KIF25: variants seen among roughly 807,000 people sequenced by gnomAD.
KIF25 encodes kinesin-like protein KIF25.
In KIF25, 19 loss-of-function variants were observed where a neutral mutation model predicts 32.9. The ratio of observed to expected loss-of-function variants is 0.58; its 90% confidence interval spans 0.40 to 0.85. The LOEUF is 0.85. Among genes scored for constraint, KIF25 ranks in the 40% least tolerant of loss-of-function variants. The pLI is 0.00. For synonymous variants in KIF25, 225 were observed against 213.7 expected, an observed-to-expected ratio of 1.05 and a Z score of -0.46; for missense variants, 485 against 507.0, an observed-to-expected ratio of 0.96 and a Z score of 0.42.
At chr6:168,026,261 C>G (rs888264337) in intron 5 of KIF25, among the ~76,000 whole-genome samples, 1 of 152,050 alleles carries the variant, frequency 6.6e-6, no homozygotes, top group Non-Finnish European at 1.5e-5. Flanking sequence ...CAGTTCATGC[C>G]GACACGTGTC....
chr6:168,018,780 C>A (rs565877631), intron 5 of KIF25, among the ~76,000 whole-genome samples: 1 of 152,202 alleles, frequency 6.6e-6, no homozygotes, highest in Non-Finnish European at 1.5e-5. Context: ...TGTCCTCCTG[C>A]TCCTCGGAAG....
intron 2 of KIF25, among the ~76,000 whole-genome samples, chr6:168,001,283 T>G (rs544978180): frequency 6.6e-6 from 1 of 152,242 alleles, no homozygotes; most frequent in South Asian, 2.1e-4. Context: ...TCTTTCAGCG[T>G]CATCTCAGTG....
intron 4 of KIF25, among the ~76,000 whole-genome samples, chr6:168,016,360 C>T (rs73040839): frequency 0.026 from 4,021 of 152,328 alleles, 54 homozygotes; most frequent in African/African-American, 0.031. Flanking sequence ...TCTGTGAAAG[C>T]CGTGCCGGAG....
At chr6:168,014,650 CG>C (rs1798689905) in intron 4 of KIF25, among the ~76,000 whole-genome samples, 1 of 152,194 alleles carries the variant, frequency 6.6e-6, no homozygotes, top group African/African-American at 2.4e-5. Flanking sequence ...ACGTGTAACA[CG>C]GCACTTCATT....
intron 8 of KIF25, among the ~76,000 whole-genome samples, chr6:168,036,458 T>A (rs182987045): frequency 6.6e-6 from 1 of 152,348 alleles, no homozygotes; most frequent in African/African-American, 2.4e-5. Context: ...GGAATCACAC[T>A]GTTCATTGCA....
chr6:168,042,141 C>G lies in KIF25; in HGVS notation c.819C>G (p.Ser273Arg). 3 of 1,549,166 alleles carry G rather than the reference C, an allele frequency of 1.9e-6. No homozygotes were observed. Among genetic ancestry groups the G allele is most frequent in the South Asian group, 1.2e-5 (1 of 83,990 alleles). The change falls in exon 11 of 13, where the codon AGC becomes AGG. Residue 273 changes from serine to arginine, a missense_variant. Ser to Arg is a moderately radical substitution (Grantham distance 110). Coordinates refer to ENST00000643607, the MANE Select transcript of KIF25 (RefSeq NM_030615.4). ...TACAGCTCGTGGACTCGGCCGGCAG[C>G]GAGTGCGTTGGTGAGCAGGGGCAGG... ...ARLQLVDSAGSECVGVSGVTG... is the reference protein window; with the variant it reads ...ARLQLVDSAGRECVGVSGVTG...
intron 4 of KIF25, among the ~76,000 whole-genome samples, chr6:168,004,323 C>T (rs181835070): frequency 1.3e-4 from 20 of 152,270 alleles, no homozygotes; most frequent in Middle Eastern, 3.4e-3. Context: ...ACTCCCTCAA[C>T]GCGGGATAGA....
At chr6:168,012,750 G>T (rs1283474918) in intron 4 of KIF25, among the ~76,000 whole-genome samples, 1 of 152,148 alleles carries the variant, frequency 6.6e-6, no homozygotes, top group Non-Finnish European at 1.5e-5. Flanking sequence ...TCAAGGGGCT[G>T]TTTCCCATGT....
At chr6:168,037,877 A>G (rs1164804152) in intron 8 of KIF25, among the ~76,000 whole-genome samples, 1 of 152,024 alleles carries the variant, frequency 6.6e-6, no homozygotes, top group African/African-American at 2.4e-5. Flanking sequence ...CACCACGCCC[A>G]GCTAAGTTTT....
intron 10 of KIF25, among the ~76,000 whole-genome samples, chr6:168,041,163 A>C (rs897622619): frequency 5.3e-5 from 8 of 152,138 alleles, no homozygotes; most frequent in African/African-American, 1.9e-4. Context: ...GCCATTTCTC[A>C]CTCATATTGA....
In KIF25 at chr6:167,997,905, C is replaced by G. The variant is rs1018463239; in HGVS notation, c.-1564C>G. ...CGAAGCTTCTCTTCCCTGGCCATGCCGAGAGGTTCTCCAGCTGTTAGATGT... is the reference window on the plus strand; with the variant it reads ...CGAAGCTTCTCTTCCCTGGCCATGCGGAGAGGTTCTCCAGCTGTTAGATGT... On this transcript the variant is annotated 5_prime_UTR_variant, in exon 1 of 13. Coordinates refer to ENST00000643607, the MANE Select transcript of KIF25 (RefSeq NM_030615.4). Among the ~76,000 whole-genome samples the G allele has an allele frequency of 6.6e-6, 1 of 152,138 alleles. No individual in the cohort carries two copies. Among genetic ancestry groups the G allele is most frequent in the Non-Finnish European group, 1.5e-5 (1 of 68,024 alleles).
chr6:168,030,950 T>A, intron 7 of KIF25, 103 bp downstream of exon 7: 1 of 900,612 alleles, frequency 1.1e-6, no homozygotes, highest in Non-Finnish European at 1.7e-6. Context: ...GTCTGAGCAT[T>A]CTACAGCACT....
Position 168,041,939 on chromosome 6 carries a change from T to C in KIF25, c.647-30T>C, listed in dbSNP as rs753096292. 7 of 1,548,148 alleles carry C rather than the reference T, an allele frequency of 4.5e-6. No homozygotes were observed. The South Asian group carries it at 6.0e-5, about 13-fold the overall frequency. Reference sequence around the variant, plus strand: ...GCCTCATGGCTTCATGCAACTGTTTTCCTCCTCGTCGCTCCTTGGTCCCTT... The same window carrying C: ...GCCTCATGGCTTCATGCAACTGTTTCCCTCCTCGTCGCTCCTTGGTCCCTT... On this transcript the variant is annotated intron_variant, in intron 10 of 12. Coordinates refer to ENST00000643607, the MANE Select transcript of KIF25 (RefSeq NM_030615.4).
At position 168,044,764 on chromosome 6, in the gene KIF25, C is replaced by T. The variant is rs1799193033; in HGVS notation, c.986-63C>T. On this transcript the variant is annotated intron_variant, in intron 12 of 12. Coordinates refer to ENST00000643607, the MANE Select transcript of KIF25 (RefSeq NM_030615.4). ...GCCCATCTCGGGCCCTGGTTGCTGG[C>T]ATGTTGGCACTTTCAGATGCTGCTC... The T allele has an allele frequency of 2.0e-6, 3 of 1,477,896 alleles. No homozygotes were observed. In the African/African-American group the frequency reaches 4.2e-5, roughly 21 times the overall value. 91.5% of individuals were successfully genotyped at this position (1,477,896 alleles called of 1,614,324 possible).
rs1202031954 is a variant in KIF25 at position 168,027,842 on chromosome 6, T to A, written c.-94-1650T>A. ...TGCTTCTGACATTCGCATCTTTTTT[T>A]CTGTGCATTCTTCACTTCTCTACAA... On this transcript the variant is annotated intron_variant, in intron 5 of 12. Coordinates refer to ENST00000643607, the MANE Select transcript of KIF25 (RefSeq NM_030615.4). Among the ~76,000 whole-genome samples, 4 of 152,222 alleles carry A rather than the reference T, an allele frequency of 2.6e-5. No individual in the cohort carries two copies. In the East Asian group the frequency reaches 5.8e-4, roughly 22 times the overall value.
intron 4 of KIF25, among the ~76,000 whole-genome samples, chr6:168,006,998 T>A (rs775733032): frequency 6.6e-6 from 1 of 152,262 alleles, no homozygotes; most frequent in Non-Finnish European, 1.5e-5. Context: ...GATTGATTGA[T>A]TGATTCAGCT....
chr6:168,000,766 C>T (rs575055795), intron 2 of KIF25, among the ~76,000 whole-genome samples: 19 of 152,134 alleles, frequency 1.2e-4, no homozygotes, highest in Non-Finnish European at 1.6e-4. Context: ...TGGGGTTGGC[C>T]GTATGCACCA....
chr6:168,001,680 GCGTGGCCTCGGGC>G, intron 2 of KIF25, among the ~76,000 whole-genome samples: 1 of 132,766 alleles, frequency 7.5e-6, no homozygotes, highest in South Asian at 2.7e-4. Flanking sequence ...GACACCTGAG[GCGTGGCCTCGGGC>G]AGGTGAGAAG....
rs7760216 is a variant in KIF25, at chr6:168,039,951, C to T, written c.495-114C>T. On this transcript the variant is annotated intron_variant, in intron 9 of 12. Coordinates refer to ENST00000643607, the MANE Select transcript of KIF25 (RefSeq NM_030615.4). Reference sequence around the variant, plus strand: ...GTGCCTGAGACTGGCTTCAGTACCCCACTGGCACGCGTGGCTCATGTGAGA... The same window carrying T: ...GTGCCTGAGACTGGCTTCAGTACCCTACTGGCACGCGTGGCTCATGTGAGA... 4.6e-3 allele frequency: 6,008 copies of T among 1,301,484 alleles called. 248 individuals carry two copies. The African/African-American group carries it at 0.082, about 18-fold the overall frequency. 80.6% of individuals were successfully genotyped at this position (1,301,484 alleles called of 1,614,324 possible). A position where few individuals can be genotyped will look rare whatever the true frequency, so the allele number is the denominator to read the frequency against.
Sources: gnomAD v4.1 joint callset for allele counts (sites outside exome capture counted in the v4.1 genomes callset) on GRCh38, gnomAD v4.1.1 for gene constraint, MANE v1.5 for transcripts, NCBI Gene and HGNC (gene_info 2026-07-23, HGNC 2026-07-21) for gene names.